DYNC1I1: variants seen among roughly 807,000 people sequenced by gnomAD.
DYNC1I1 encodes the protein dynein cytoplasmic 1 intermediate chain 1, also known as cytoplasmic dynein 1 intermediate chain 1.
DYNC1I1 carries 43 observed loss-of-function variants against 86.6 expected under a neutral mutation model. The observed-to-expected ratio is 0.50, with a 90% CI of 0.39 to 0.64. DYNC1I1 has a LOEUF of 0.64. Ranked by LOEUF, DYNC1I1 falls within the 30% of genes least tolerant of loss-of-function variation. The pLI, the probability that DYNC1I1 is intolerant of heterozygous loss-of-function variation, is 0.00. For synonymous variants in DYNC1I1, 262 were observed against 283.7 expected (o/e 0.92, Z 0.77); for missense variants, 604 against 788.8 (o/e 0.77, Z 2.81).
intron 6 of DYNC1I1, among the ~76,000 whole-genome samples, chr7:95,956,583 C>A (rs1014827745): frequency 1.3e-5 from 2 of 151,810 alleles, no homozygotes; most frequent in African/African-American, 4.8e-5. Flanking sequence ...CTCCCTGTGT[C>A]CATATGTTCT....
At chr7:95,900,537 G>C (rs973470065) in intron 6 of DYNC1I1, among the ~76,000 whole-genome samples, 6 of 152,108 alleles carry the variant, frequency 3.9e-5, no homozygotes, top group African/African-American at 1.4e-4. Flanking sequence ...TCAAGCTGAG[G>C]TCATTGCTAA....
chr7:95,868,048 C>A (rs570886689), intron 5 of DYNC1I1, among the ~76,000 whole-genome samples: 1 of 152,262 alleles, frequency 6.6e-6, no homozygotes, highest in South Asian at 2.1e-4. Context: ...ATGGTATGTG[C>A]TTTCCCCATT....
intron 14 of DYNC1I1, among the ~76,000 whole-genome samples, chr7:96,065,378 CTTTT>C (rs34423655): frequency 6.3e-5 from 8 of 127,562 alleles, no homozygotes; most frequent in African/African-American, 2.4e-4. Flanking sequence ...TTCTTTCTTT[CTTTT>C]TTTTTTTTTT....
intron 16 of DYNC1I1, among the ~76,000 whole-genome samples, chr7:96,106,823 ATTTCT>A (rs899407700): frequency 1.1e-4 from 16 of 152,174 alleles, no homozygotes; most frequent in Admixed American, 4.6e-4. Flanking sequence ...ATTTATTAAG[ATTTCT>A]TTTATGACTT....
rs181375037 is a variant in DYNC1I1, at chr7:95,855,566, T to C, written c.375-14317T>C. On this transcript the variant is annotated intron_variant, in intron 5 of 16. Transcript: ENST00000447467. ...ATGTTCTGAGAAATGCATTGTTTGG[T>C]GATTTTGCCATTGGGAAAACATCAT... 4.0e-3 allele frequency among the ~76,000 whole-genome samples: 602 copies of C among 152,298 alleles called. 7 individuals carry two copies. The highest frequency in any genetic ancestry group is 0.017 in the South Asian group (83 of 4,824).
chr7:95,779,114 C>A (rs1027250735), intron 1 of DYNC1I1, among the ~76,000 whole-genome samples: 5 of 152,256 alleles, frequency 3.3e-5, no homozygotes, highest in Admixed American at 2.6e-4. Flanking sequence ...GCTGAACATG[C>A]CACAAAGCAC....
intron 6 of DYNC1I1, among the ~76,000 whole-genome samples, chr7:95,948,462 C>T (rs1269670102): frequency 6.6e-6 from 1 of 152,058 alleles, no homozygotes; most frequent in East Asian, 1.9e-4. Context: ...TATTGAGGTC[C>T]CAAGAACACA....
intron 4 of DYNC1I1, among the ~76,000 whole-genome samples, chr7:95,822,097 T>C (rs1332445214): frequency 6.6e-6 from 1 of 152,166 alleles, no homozygotes; most frequent in Non-Finnish European, 1.5e-5. Context: ...CTCATCAGAG[T>C]GCAAGGTATA....
At chr7:95,864,144 C>G (rs1252148890) in intron 5 of DYNC1I1, among the ~76,000 whole-genome samples, 1 of 152,044 alleles carries the variant, frequency 6.6e-6, no homozygotes, top group Non-Finnish European at 1.5e-5. Flanking sequence ...TTGGATAATA[C>G]AACTTTATAA....
At chr7:95,813,551 G>A (rs570921950) in intron 4 of DYNC1I1, among the ~76,000 whole-genome samples, 8 of 152,192 alleles carry the variant, frequency 5.3e-5, no homozygotes, top group African/African-American at 1.9e-4. Flanking sequence ...CCTTCTTTGA[G>A]TGGGCTAATT....
In DYNC1I1 at chr7:95,838,642, A is replaced by G. The variant is rs565803577; in HGVS notation, c.374+10526A>G. 3.3e-5 allele frequency among the ~76,000 whole-genome samples: 5 copies of G among 152,258 alleles called. No individual in the cohort carries two copies. In the East Asian group the frequency reaches 9.7e-4, roughly 29 times the overall value. On this transcript the variant is annotated intron_variant, in intron 5 of 16. Coordinates refer to ENST00000447467, the MANE Select transcript of DYNC1I1 (RefSeq NM_001135556.2). ...CTGCTCTAGGCAGTATGGACATTTTAATAATATTGTTTTGTGTAATCCATG... is the reference window on the plus strand; with the variant it reads ...CTGCTCTAGGCAGTATGGACATTTTGATAATATTGTTTTGTGTAATCCATG...
rs530895929 is a variant in DYNC1I1 at position 95,863,825 on chromosome 7, C to T, written c.375-6058C>T. 2.3e-4 allele frequency among the ~76,000 whole-genome samples: 35 copies of T among 152,194 alleles called. 1 individual carries two copies. In the East Asian group the frequency reaches 6.8e-3, roughly 30 times the overall value. On this transcript the variant is annotated intron_variant, in intron 5 of 16. Coordinates refer to ENST00000447467, the MANE Select transcript of DYNC1I1 (RefSeq NM_001135556.2). Reference sequence around the variant, plus strand: ...GAAAGGAATGGAGCTCTTTTCAGAACATGTGGAGAAAGCCAGGGCATTCCA... The same window carrying T: ...GAAAGGAATGGAGCTCTTTTCAGAATATGTGGAGAAAGCCAGGGCATTCCA...
chr7:96,034,045 A>G lies in DYNC1I1; in HGVS notation c.1230+1265A>G, dbSNP rs140663655. Among the ~76,000 whole-genome samples, 891 of 152,088 alleles carry G rather than the reference A, an allele frequency of 5.9e-3. 5 individuals are homozygous for G. The highest frequency in any genetic ancestry group is 0.01 in the African/African-American group (429 of 41,500). On this transcript the variant is annotated intron_variant, in intron 12 of 16. Coordinates refer to ENST00000447467, the MANE Select transcript of DYNC1I1 (RefSeq NM_001135556.2). ...TAATTATTATTATTATTATACACAC[A>G]CACATGCACACACACAAAAGGAAAT...
chr7:95,926,685 T>G lies in DYNC1I1; in HGVS notation c.491-50827T>G, dbSNP rs139630656. Among the ~76,000 whole-genome samples, 846 of 152,308 alleles carry G rather than the reference T, an allele frequency of 5.6e-3. 5 individuals carry two copies. The highest frequency in any genetic ancestry group is 0.019 in the African/African-American group (788 of 41,568). On this transcript the variant is annotated intron_variant, in intron 6 of 16. Transcript: ENST00000447467. ...CGTGGTTAGATGAATAAAAGGTACATAAACTTAAAGTAAGGATAAGACACA... is the reference window on the plus strand; with the variant it reads ...CGTGGTTAGATGAATAAAAGGTACAGAAACTTAAAGTAAGGATAAGACACA...
intron 5 of DYNC1I1, among the ~76,000 whole-genome samples, chr7:95,833,945 A>C (rs1269655659): frequency 4.2e-5 from 6 of 141,890 alleles, no homozygotes; most frequent in South Asian, 2.3e-4. Context: ...CTCTTTTCCT[A>C]ATTGAATACC....
At chr7:96,008,009 G>A (rs147600365) in intron 10 of DYNC1I1, among the ~76,000 whole-genome samples, 15 of 152,274 alleles carry the variant, frequency 9.9e-5, no homozygotes, top group African/African-American at 3.6e-4. Flanking sequence ...TCCAGCCACT[G>A]TATTTATTAT....
chr7:95,845,489 G>A (rs1488508), intron 5 of DYNC1I1, among the ~76,000 whole-genome samples: 6 of 151,988 alleles, frequency 3.9e-5, no homozygotes, highest in Admixed American at 1.3e-4. Context: ...TCAAATATTC[G>A]TATGCATTAA....
At chr7:95,977,258 G>A (rs747120225) in intron 6 of DYNC1I1, among the ~76,000 whole-genome samples, 4 of 152,162 alleles carry the variant, frequency 2.6e-5, no homozygotes, top group Non-Finnish European at 5.9e-5. Flanking sequence ...GTGAGGGCCT[G>A]GAGCTGGATG....
At chr7:95,948,557 G>C (rs150743095) in intron 6 of DYNC1I1, among the ~76,000 whole-genome samples, 13 of 152,222 alleles carry the variant, frequency 8.5e-5, no homozygotes, top group African/African-American at 3.1e-4. Context: ...TGATTCCTTA[G>C]AACAGAAAGG....
Sources: gnomAD v4.1 joint callset for allele counts (sites outside exome capture counted in the v4.1 genomes callset) on GRCh38, gnomAD v4.1.1 for gene constraint, MANE v1.5 for transcripts, NCBI Gene and HGNC (gene_info 2026-07-23, HGNC 2026-07-21) for gene names.